The following PIKFYVE variants were observed in gnomAD, a reference collection of about 807,000 sequenced individuals.
PIKFYVE encodes the protein phosphoinositide kinase, FYVE-type zinc finger containing.
PIKFYVE carries 122 observed loss-of-function variants against 257.9 expected under a neutral mutation model. The ratio of observed to expected loss-of-function variants is 0.47; its 90% CI spans 0.41 to 0.55. The LOEUF is 0.55. Ranked by LOEUF, PIKFYVE falls within the 20% of genes least tolerant of loss-of-function variation. The pLI is 0.00. For missense variants in PIKFYVE, 2,160 were observed against 2,536.6 expected (o/e 0.85, Z 3.19); for synonymous variants, 892 against 868.9 (o/e 1.03, Z -0.47).
Position 208,333,103 on chromosome 2 carries a change from G to A in PIKFYVE, c.3964-212G>A, listed in dbSNP as rs188327716. ...CAAAAAATTAGCCGGGCGTGGTGGC[G>A]CGTGCCTGTAGTCCCAGCTACTCAG... On this transcript the variant is annotated intron_variant, in intron 23 of 41. Coordinates refer to ENST00000264380, the MANE Select transcript of PIKFYVE (RefSeq NM_015040.4). 8.3e-3 allele frequency among the ~76,000 whole-genome samples: 1,257 copies of A among 151,886 alleles called. 11 individuals carry two copies. Among genetic ancestry groups the A allele is most frequent in the South Asian group, 0.013 (61 of 4,804 alleles).
intron 21 of PIKFYVE, among the ~76,000 whole-genome samples, chr2:208,329,217 C>A (rs1477540159): frequency 6.6e-6 from 1 of 152,116 alleles, no homozygotes; most frequent in Non-Finnish European, 1.5e-5. Flanking sequence ...AGAACATATT[C>A]TGTGTTTTAA....
In PIKFYVE at chr2:208,301,539, C is replaced by T. The variant is rs570496607; in HGVS notation, c.1208+445C>T. On this transcript the variant is annotated intron_variant, in intron 9 of 41. Coordinates refer to ENST00000264380, the MANE Select transcript of PIKFYVE (RefSeq NM_015040.4). ...GTCCTGCTTTTCAAATACATGTATC[C>T]CCTAGCTTTTACTATTTTCTCAGAT... Among the ~76,000 whole-genome samples, 5 of 152,222 alleles carry T rather than the reference C, an allele frequency of 3.3e-5. No homozygotes were observed. The South Asian group carries it at 1.0e-3, about 32-fold the overall frequency.
rs1258268512 is a variant in PIKFYVE at position 208,352,788 on chromosome 2, G to C, written c.5844+6G>C. 2 of 1,612,104 alleles carry C rather than the reference G, an allele frequency of 1.2e-6. No homozygotes were observed. The highest frequency in any genetic ancestry group is 1.3e-5 in the African/African-American group (1 of 74,860). ...ACGGGAGAAAGATGGCACAGGTAAG[G>C]GTATTGGACTATGTGAAGCATTTAG... On this transcript the variant is annotated splice_donor_region_variant and intron_variant, in intron 39 of 41. Coordinates refer to ENST00000264380, the MANE Select transcript of PIKFYVE (RefSeq NM_015040.4).
At chr2:208,327,182 C>T (rs1329738749) in intron 20 of PIKFYVE, among the ~76,000 whole-genome samples, 1 of 152,012 alleles carries the variant, frequency 6.6e-6, no homozygotes. Flanking sequence ...GTAAAAGACC[C>T]ATGGTTAATG....
intron 28 of PIKFYVE, among the ~76,000 whole-genome samples, chr2:208,338,040 T>C (rs1012097223): frequency 1.3e-5 from 2 of 152,142 alleles, no homozygotes; most frequent in African/African-American, 4.8e-5. Flanking sequence ...ATTTTTTTTT[T>C]CGATTGCATA....
chr2:208,350,768 T>C lies in PIKFYVE; in HGVS notation c.5435-3T>C, dbSNP rs1392410433. The stretch of plus-strand genomic sequence containing the variant: ...TTTTTAAAAAAACTTCTGTTGTTTA[T>C]AGAATTTTCAGATGCTAATGCCAAG... On this transcript the variant is annotated splice_polypyrimidine_tract_variant and splice_region_variant and intron_variant, in intron 36 of 41. Coordinates refer to ENST00000264380, the MANE Select transcript of PIKFYVE (RefSeq NM_015040.4). 1 of 1,614,048 alleles carries C rather than the reference T, an allele frequency of 6.2e-7. No individual in the cohort carries two copies. Among genetic ancestry groups the C allele is most frequent in the South Asian group, 1.1e-5 (1 of 91,082 alleles).
intron 32 of PIKFYVE, among the ~76,000 whole-genome samples, chr2:208,344,379 A>G (rs942235926): frequency 4.6e-5 from 7 of 152,042 alleles, no homozygotes; most frequent in African/African-American, 1.7e-4. Flanking sequence ...GTAGATAATG[A>G]GGAATTTTTT....
intron 1 of PIKFYVE, among the ~76,000 whole-genome samples, chr2:208,271,236 A>T (rs977512965): frequency 6.6e-6 from 1 of 152,088 alleles, no homozygotes; most frequent in Admixed American, 6.6e-5. Context: ...TTACCTCCAA[A>T]TTTTTATTAA....
At chr2:208,324,312 TA>T (rs779932377) in intron 18 of PIKFYVE, 30 bp downstream of exon 18, 13 of 1,606,666 alleles carry the variant, frequency 8.1e-6, no homozygotes, top group Non-Finnish European at 1.1e-5. Flanking sequence ...TATTGTATTT[TA>T]AAAAAATCAC....
intron 10 of PIKFYVE, 74 bp downstream of exon 10, chr2:208,302,427 A>C: frequency 1.5e-6 from 2 of 1,331,242 alleles, no homozygotes; most frequent in Non-Finnish European, 2.1e-6. Context: ...AGTGGGAATA[A>C]AAAGTAGTTT....
chr2:208,303,473 C>T (rs1365760661), intron 10 of PIKFYVE, among the ~76,000 whole-genome samples: 1 of 152,010 alleles, frequency 6.6e-6, no homozygotes, highest in Non-Finnish European at 1.5e-5. Flanking sequence ...TATTATATAC[C>T]ATATTCTTAC....
intron 3 of PIKFYVE, among the ~76,000 whole-genome samples, chr2:208,276,329 C>G (rs1690100290): frequency 6.6e-6 from 1 of 152,122 alleles, no homozygotes; most frequent in African/African-American, 2.4e-5. Context: ...CTAAGTTAAC[C>G]CTCCTTGATT....
chr2:208,352,821 A>C, intron 39 of PIKFYVE, 39 bp downstream of exon 39: 2 of 1,603,950 alleles, frequency 1.2e-6, no homozygotes, highest in Non-Finnish European at 8.5e-7. Context: ...TAGCTACTGG[A>C]ACCTTTTGTA....
chr2:208,316,713 C>T (rs555666522), intron 15 of PIKFYVE, among the ~76,000 whole-genome samples: 44 of 152,294 alleles, frequency 2.9e-4, no homozygotes, highest in African/African-American at 7.9e-4. Context: ...GGAGGCATCA[C>T]GCTACCTGAC....
At chr2:208,339,219 A>G (rs1698466169) in intron 29 of PIKFYVE, among the ~76,000 whole-genome samples, 199 bp from the exon 30 acceptor site, 1 of 152,180 alleles carries the variant, frequency 6.6e-6, no homozygotes, top group Non-Finnish European at 1.5e-5. Context: ...CCAGGATTTG[A>G]TTGTAGTCAA....
Position 208,271,597 on chromosome 2 carries a change from T to C in PIKFYVE, c.78T>C (p.His26=). The C allele has an allele frequency of 6.2e-7, 1 of 1,614,074 alleles. No individual in the cohort carries two copies. Among genetic ancestry groups the C allele is most frequent in the Non-Finnish European group, 8.5e-7 (1 of 1,179,904 alleles). ...CTCGATCTCCTACTAGTCCTTCTCA[T>C]CTCACACACTTTAAACCTTTGACTC... The part of the protein sequence containing the change: ...DLPRSPTSPS[H]LTHFKPLTPD... The change falls in exon 2 of 42, where the codon CAT becomes CAC. Residue 26 remains histidine, a synonymous_variant. Transcript: ENST00000264380.
intron 3 of PIKFYVE, 84 bp from the exon 4 acceptor site, chr2:208,276,628 G>C: frequency 1.1e-6 from 1 of 943,446 alleles, no homozygotes; most frequent in Non-Finnish European, 1.8e-6. Flanking sequence ...AACAATAAGA[G>C]GCAGTTTCCA....
At chr2:208,288,293 C>T (rs1292613838) in intron 6 of PIKFYVE, among the ~76,000 whole-genome samples, 1 of 151,954 alleles carries the variant, frequency 6.6e-6, no homozygotes, top group Non-Finnish European at 1.5e-5. Flanking sequence ...AGTAATGAAC[C>T]CAAGGTCATG....
intron 23 of PIKFYVE, among the ~76,000 whole-genome samples, chr2:208,331,235 C>T (rs1268462653): frequency 1.3e-5 from 2 of 152,034 alleles, no homozygotes; most frequent in African/African-American, 4.8e-5. Context: ...TGTTTTGTTT[C>T]TTCTTTGTGC....
Sources: gnomAD v4.1 joint callset for allele counts (sites outside exome capture counted in the v4.1 genomes callset) on GRCh38, gnomAD v4.1.1 for gene constraint, MANE v1.5 for transcripts, NCBI Gene and HGNC (gene_info 2026-07-23, HGNC 2026-07-21) for gene names.